DPP9: variants seen among roughly 807,000 people sequenced by gnomAD.
DPP9 encodes dipeptidyl peptidase 9.
A neutral mutation model predicts 110.7 loss-of-function variants in DPP9; 50 were observed. The ratio of observed to expected loss-of-function variants is 0.45; its 90% CI spans 0.36 to 0.57. DPP9 has a LOEUF of 0.57. DPP9 is among the 20% of genes least tolerant of loss of function. DPP9 has a pLI of 0.00. For missense variants in DPP9, 1,022 were observed against 1,217.9 expected, an observed-to-expected ratio of 0.84 and a Z score of 2.39; for synonymous variants, 561 against 514.4, an observed-to-expected ratio of 1.09 and a Z score of -1.23.
intron 5 of DPP9, among the ~76,000 whole-genome samples, chr19:4,705,298 A>G (rs370653924): frequency 1.3e-5 from 2 of 152,182 alleles, no homozygotes; most frequent in African/African-American, 4.8e-5. Context: ...ATCACGGCTC[A>G]CTGTAGCCTT....
chr19:4,682,974 G>A lies in DPP9; in HGVS notation c.2332-136C>T. ...CGCTCATGCACATGGGGCCGGCAAG[G>A]AAGGGGCCCTCAGACCGCGTGGCCC... On this transcript the variant is annotated intron_variant, in intron 19 of 21. Transcript: ENST00000262960. This position sits in a 1 kb window ranked among gnomAD's most constrained non-coding sequence, Gnocchi z 7.1. The A allele has an allele frequency of 6.5e-7, 1 of 1,533,056 alleles. No individual in the cohort carries two copies. The highest frequency in any genetic ancestry group is 8.7e-7 in the Non-Finnish European group (1 of 1,145,852). 95.0% of individuals were successfully genotyped at this position (1,533,056 alleles called of 1,614,324 possible). A position where few individuals can be genotyped will look rare whatever the true frequency, so the allele number is the denominator to read the frequency against.
chr19:4,719,152 AC>A (rs1461287659), intron 3 of DPP9: 11 of 151,628 alleles, frequency 7.3e-5, no homozygotes, highest in African/African-American at 2.7e-4. Flanking sequence ...ATGTGGTGAA[AC>A]CCCGTCTCTA....
Position 4,696,806 on chromosome 19 carries a change from A to G in DPP9, c.1175+745T>C, listed in dbSNP as rs547078503. On this transcript the variant is annotated intron_variant, in intron 11 of 21. Transcript: ENST00000262960. Reference sequence around the variant, plus strand: ...TGACTCACACCCACAGTCCTAGCAAATGTACATATGGCAGCAGCACATAAT... The same window carrying G: ...TGACTCACACCCACAGTCCTAGCAAGTGTACATATGGCAGCAGCACATAAT... 3.3e-5 allele frequency among the ~76,000 whole-genome samples: 5 copies of G among 152,314 alleles called. No individual in the cohort carries two copies. The South Asian group carries it at 1.0e-3, about 32-fold the overall frequency.
Position 4,676,455 on chromosome 19 carries a change from G to T in DPP9, c.*109C>A. Reference sequence around the variant, plus strand: ...CCTCGGGGCTGGCCAGCGCTGGGCGGGACAAAGTGCCTCACTGGGGCCCGC... The same window carrying T: ...CCTCGGGGCTGGCCAGCGCTGGGCGTGACAAAGTGCCTCACTGGGGCCCGC... On this transcript the variant is annotated 3_prime_UTR_variant, in exon 22 of 22. Transcript: ENST00000262960. The surrounding 1 kb of genome is among the most constrained non-coding windows in gnomAD (Gnocchi z 4.0). The T allele has an allele frequency of 1.0e-6, 1 of 965,578 alleles. No individual in the cohort carries two copies. 59.8% of individuals were successfully genotyped at this position (965,578 alleles called of 1,614,324 possible).
Position 4,684,878 on chromosome 19 carries a change from C to T in DPP9, c.2032-69G>A. The T allele has an allele frequency of 6.5e-7, 1 of 1,549,184 alleles. No individual in the cohort carries two copies. Among genetic ancestry groups the T allele is most frequent in the South Asian group, 1.2e-5 (1 of 84,074 alleles). On this transcript the variant is annotated intron_variant, in intron 17 of 21. Coordinates refer to ENST00000262960, the MANE Select transcript of DPP9 (RefSeq NM_139159.5). The surrounding 1 kb of genome is among the most constrained non-coding windows in gnomAD (Gnocchi z 4.8). ...CAGGACGGGCCTGGCAGGGGAGATG[C>T]CGGTGGGCTGGGGACCGGGCCGGGC...
intron 4 of DPP9, among the ~76,000 whole-genome samples, chr19:4,713,693 G>A (rs1379851680): frequency 1.3e-5 from 2 of 152,194 alleles, no homozygotes; most frequent in Non-Finnish European, 2.9e-5. Flanking sequence ...GTCCAGTCCT[G>A]TTTGTCACGA....
In DPP9 at chr19:4,687,811, T is replaced by G. The variant is rs1027161555; in HGVS notation, c.1885+946A>C. ...CCACCACTGTTCAAAAGGTTTTTTT[T>G]TTTTGAGACGGAGTCTCGCTCTGTC... On this transcript the variant is annotated intron_variant, in intron 16 of 21. Coordinates refer to ENST00000262960, the MANE Select transcript of DPP9 (RefSeq NM_139159.5). The surrounding 1 kb of genome is among the most constrained non-coding windows in gnomAD (Gnocchi z 4.7). Among the ~76,000 whole-genome samples the G allele has an allele frequency of 1.3e-5, 2 of 152,164 alleles. No homozygotes were observed. The highest frequency in any genetic ancestry group is 2.9e-5 in the Non-Finnish European group (2 of 68,002).
intron 20 of DPP9, among the ~76,000 whole-genome samples, chr19:4,681,466 G>A (rs922748079): frequency 6.6e-6 from 1 of 151,618 alleles, no homozygotes; most frequent in African/African-American, 2.4e-5. Context: ...ACAGGTGTGT[G>A]TCACCACACC....
At chr19:4,696,354 T>G (rs1042047795) in intron 11 of DPP9, among the ~76,000 whole-genome samples, 2 of 151,802 alleles carry the variant, frequency 1.3e-5, no homozygotes, top group Non-Finnish European at 2.9e-5. Context: ...GTGCCTGGGC[T>G]CAGGCCTGCA....
In DPP9 at chr19:4,694,045, C is replaced by T. The variant is rs1272460633; in HGVS notation, c.1516+616G>A. Among the ~76,000 whole-genome samples, 5 of 151,198 alleles carry T rather than the reference C, an allele frequency of 3.3e-5. No homozygotes were observed. Among genetic ancestry groups the T allele is most frequent in the East Asian group, 1.9e-4 (1 of 5,202 alleles). On this transcript the variant is annotated intron_variant, in intron 13 of 21. Coordinates refer to ENST00000262960, the MANE Select transcript of DPP9 (RefSeq NM_139159.5). This position sits in a 1 kb window ranked among gnomAD's most constrained non-coding sequence, Gnocchi z 4.0. ...GCCCCTCACCCTCAAGCCTCTCGCC[C>T]GACTGCATTTCCTTCCACCACGCAC...
rs966939085 is a variant in DPP9, at chr19:4,700,754, C to T, written c.1013-477G>A. Reference sequence around the variant, plus strand: ...ACCTGCGCCCTCCGGAGGCCAATGGCGACAGAATAAGGGACCCAAGAGGCT... The same window carrying T: ...ACCTGCGCCCTCCGGAGGCCAATGGTGACAGAATAAGGGACCCAAGAGGCT... On this transcript the variant is annotated intron_variant, in intron 9 of 21. Coordinates refer to ENST00000262960, the MANE Select transcript of DPP9 (RefSeq NM_139159.5). The surrounding 1 kb of genome is among the most constrained non-coding windows in gnomAD (Gnocchi z 4.3). 1.3e-5 allele frequency among the ~76,000 whole-genome samples: 2 copies of T among 152,130 alleles called. No individual in the cohort carries two copies. The highest frequency in any genetic ancestry group is 2.4e-5 in the African/African-American group (1 of 41,414).
chr19:4,689,727 A>G lies in DPP9; in HGVS notation c.1597-5T>C. The G allele has an allele frequency of 6.5e-7, 1 of 1,543,482 alleles. No homozygotes were observed. Among genetic ancestry groups the G allele is most frequent in the Non-Finnish European group, 8.8e-7 (1 of 1,141,386 alleles). On this transcript the variant is annotated splice_region_variant and splice_polypyrimidine_tract_variant and intron_variant, in intron 14 of 21. Transcript: ENST00000262960. This position sits in a 1 kb window ranked among gnomAD's most constrained non-coding sequence, Gnocchi z 7.0. Reference sequence around the variant, plus strand: ...GGTCTCCTCATTGACCCAGATCTGCAGGGGGACAGGGGATCCTCGTGATGC... The same window carrying G: ...GGTCTCCTCATTGACCCAGATCTGCGGGGGGACAGGGGATCCTCGTGATGC...
chr19:4,678,768 C>T (rs1003614886), intron 21 of DPP9, among the ~76,000 whole-genome samples: 1 of 151,998 alleles, frequency 6.6e-6, no homozygotes, highest in African/African-American at 2.4e-5. Context: ...CAGAGCATGC[C>T]GAGGCGCCCA....
At chr19:4,722,334 C>T (rs1428014538) in intron 2 of DPP9, 165 bp downstream of exon 2, 9 of 587,912 alleles carry the variant, frequency 1.5e-5, no homozygotes, top group Non-Finnish European at 2.4e-5. Flanking sequence ...GAAAGAAAAG[C>T]CTCCAGCAGG....
intron 4 of DPP9, among the ~76,000 whole-genome samples, chr19:4,706,977 A>C (rs28636831): frequency 0.12 from 18,442 of 152,168 alleles, 1,478 homozygotes; most frequent in African/African-American, 0.22. Context: ...GGGGCACCCC[A>C]CAGTCGTGAC....
chr19:4,719,634 C>T, intron 3 of DPP9: 1 of 615,832 alleles, frequency 1.6e-6, no homozygotes, highest in South Asian at 1.9e-5. Context: ...GGCCCCACCC[C>T]AGAGAACATT....
chr19:4,696,614 C>T (rs191831598), intron 11 of DPP9, among the ~76,000 whole-genome samples: 5 of 152,148 alleles, frequency 3.3e-5, no homozygotes, highest in African/African-American at 9.6e-5. Flanking sequence ...CAAAAATTGG[C>T]TGGGCATGGT....
intron 10 of DPP9, 36 bp from the exon 11 acceptor site, chr19:4,697,687 G>A: frequency 6.3e-7 from 1 of 1,581,828 alleles, no homozygotes. Flanking sequence ...TCATGCCCTG[G>A]CCTGCCCGGC....
intron 4 of DPP9, among the ~76,000 whole-genome samples, chr19:4,711,699 G>C (rs950335384): frequency 6.7e-6 from 1 of 148,362 alleles, no homozygotes; most frequent in Non-Finnish European, 1.5e-5. Context: ...CTTGAACCCA[G>C]GAGGCGGAAG....
Sources: allele counts gnomAD v4.1 joint callset (sites outside exome capture counted in the v4.1 genomes callset), GRCh38; gene constraint gnomAD v4.1.1; non-coding constraint Gnocchi (gnomAD v3.1); transcripts MANE v1.5; gene names NCBI Gene and HGNC (gene_info 2026-07-23, HGNC 2026-07-21).